The following CIC variants were observed in gnomAD, a reference collection of about 807,000 sequenced individuals.
The protein encoded by CIC is capicua transcriptional repressor, also known as protein capicua homolog.
A neutral mutation model predicts 115.7 loss-of-function variants in CIC; 18 were observed. The observed-to-expected ratio is 0.16, with a 90% confidence interval of 0.11 to 0.23. The LOEUF is 0.23. CIC is among the 10% of genes least tolerant of loss of function. The pLI is 1.00. For missense variants in CIC, 2,000 were observed against 2,159.3 expected (o/e 0.93, Z 1.46); for synonymous variants, 1,076 against 923.0 (o/e 1.17, Z -3.01).
Position 42,280,581 on chromosome 19 carries a change from G to A in CIC, c.2794+6004G>A, listed in dbSNP as rs1467210900. Among the ~76,000 whole-genome samples, 1 of 152,168 alleles carries A rather than the reference G, an allele frequency of 6.6e-6. No individual in the cohort carries two copies. The highest frequency in any genetic ancestry group is 1.9e-4 in the East Asian group (1 of 5,176). ...CTGCGCTGCCGCGTCCTCGGGCTGG[G>A]TGGGGTACCCTCCCTCCCACCGCAG... is the stretch of plus-strand genomic sequence containing the variant. On this transcript the variant is annotated intron_variant, in intron 2 of 20. Coordinates refer to ENST00000681038, the MANE Select transcript of CIC (RefSeq NM_001386298.1). The surrounding 1 kb of genome is among the most constrained non-coding windows in gnomAD (Gnocchi z 4.9).
Position 42,273,408 on chromosome 19 carries a change from G to A in CIC, c.1625G>A (p.Gly542Glu). 1 of 398,398 alleles carries A rather than the reference G, an allele frequency of 2.5e-6. No individual in the cohort carries two copies. Among genetic ancestry groups the A allele is most frequent in the Non-Finnish European group, 4.4e-6 (1 of 225,916 alleles). 24.7% of individuals were successfully genotyped at this position (398,398 alleles called of 1,614,324 possible). Residue 542 changes from glycine to glutamate, a missense_variant, in exon 2 of 21, where the codon GGG becomes GAG. By Grantham distance (98) the Gly-to-Glu change is moderately conservative. This residue lies in a region of CIC where 222 missense variants were observed against 247.7 expected (regional missense o/e 0.90). Transcript: ENST00000681038. ...MEGLADSGPG[G>E]AGRPAAVAAR... ...GGCCTGGCAGACAGTGGGCCTGGCG[G>A]GGCGGGCCGGCCCGCGGCCGTGGCA... is the stretch of plus-strand genomic sequence containing the variant.
rs2037088955 is a variant in CIC at position 42,278,689 on chromosome 19, C to T, written c.2794+4112C>T. Among the ~76,000 whole-genome samples, 4 of 152,230 alleles carry T rather than the reference C, an allele frequency of 2.6e-5. No homozygotes were observed. In the South Asian group the frequency reaches 8.3e-4, roughly 31 times the overall value. ...GCCAGCCTCCCAGCCCCACCCTGTG[C>T]ATATCAGGTGTTCTGTTCTTTTAAG... On this transcript the variant is annotated intron_variant, in intron 2 of 20. Coordinates refer to ENST00000681038, the MANE Select transcript of CIC (RefSeq NM_001386298.1).
Position 42,294,108 on chromosome 19 carries a change from C to T in CIC, c.6922+19C>T, listed in dbSNP as rs757837432. On this transcript the variant is annotated intron_variant, in intron 18 of 20. Transcript: ENST00000681038. Reference sequence around the variant, plus strand: ...TCCACGGGTAGGCGAGCATTGGGCACCCAGGGTCCTTAGGTGGAGGGCAGA... The same window carrying T: ...TCCACGGGTAGGCGAGCATTGGGCATCCAGGGTCCTTAGGTGGAGGGCAGA... 4.3e-6 allele frequency: 7 copies of T among 1,613,574 alleles called. No homozygotes were observed. Among genetic ancestry groups the T allele is most frequent in the Non-Finnish European group, 5.9e-6 (7 of 1,180,032 alleles).
intron 2 of CIC, among the ~76,000 whole-genome samples, chr19:42,285,668 C>T (rs575657246): frequency 3.3e-5 from 5 of 152,318 alleles, no homozygotes; most frequent in Admixed American, 6.5e-5. Context: ...AGGGCGGTTC[C>T]CTCCTCCCTT....
chr19:42,284,416 G>C (rs1338773082), intron 2 of CIC: 1 of 145,498 alleles, frequency 6.9e-6, no homozygotes, highest in Admixed American at 6.8e-5. Flanking sequence ...CCCGTGCCGC[G>C]CGCCCCGTGA....
At chr19:42,282,359 C>T (rs937511860) in intron 2 of CIC, among the ~76,000 whole-genome samples, 2 of 152,230 alleles carry the variant, frequency 1.3e-5, no homozygotes, top group Non-Finnish European at 2.9e-5. Flanking sequence ...ACCATCCAAC[C>T]TGTGTAAGAG....
chr19:42,293,220 G>A lies in CIC; in HGVS notation c.6461G>A (p.Ser2154Asn), dbSNP rs2147323996. 2 of 1,596,494 alleles carry A rather than the reference G, an allele frequency of 1.3e-6. No homozygotes were observed. The highest frequency in any genetic ancestry group is 1.3e-5 in the African/African-American group (1 of 74,532). Residue 2154 changes from serine (S) to asparagine (N), a missense_variant, in exon 16 of 21, where the codon AGC becomes AAC. This residue lies in a region of CIC where 1,466 missense variants were observed against 1,390.4 expected (regional missense o/e 1.05). Coordinates refer to ENST00000681038, the MANE Select transcript of CIC (RefSeq NM_001386298.1). ...GAGACCTGGACTCCCACGGCCCGGA[G>A]CAGCCCCCCACTGCCCCCACCTGCT... ...LPETWTPTAR[S>N]SPPLPPPAEE... is the part of the protein sequence containing the mutation.
chr19:42,271,901 C>A lies in CIC; in HGVS notation c.118C>A (p.Pro40Thr). Residue 40 changes from proline (P) to threonine (T), a missense_variant, in exon 2 of 21, where the codon CCA becomes ACA. This residue lies in a region of CIC where 222 missense variants were observed against 247.7 expected (regional missense o/e 0.90). Coordinates refer to ENST00000681038, the MANE Select transcript of CIC (RefSeq NM_001386298.1). The stretch of plus-strand genomic sequence containing the variant: ...GCGAGGGGCTGGGGAGGGTGACAAG[C>A]CAGAGGAGGAGGATGACGAGGCACA... ...RRRGAGEGDK[P>T]EEEDDEAQQP... 1 of 398,960 alleles carries A rather than the reference C, an allele frequency of 2.5e-6. No homozygotes were observed. Among genetic ancestry groups the A allele is most frequent in the Non-Finnish European group, 4.4e-6 (1 of 226,334 alleles). 24.7% of individuals were successfully genotyped at this position (398,960 alleles called of 1,614,324 possible).
Position 42,290,317 on chromosome 19 carries a change from C to G in CIC, c.4276C>G (p.Pro1426Ala), listed in dbSNP as rs2147250617. Residue 1426 changes from proline to alanine, a missense_variant, in exon 11 of 21, where the codon CCC becomes GCC. Physicochemically the swap from Pro to Ala is conservative, Grantham distance 27 (BLOSUM62 -1). Transcript: ENST00000681038. ...CCCACTGGACCCTGAGCCCCCAGGG[C>G]CCCCGGATCCTCCTGTAGCCTTTGG... ...RPPLDPEPPG[P>A]PDPPVAFGKG... is the part of the protein sequence containing the mutation. The G allele has an allele frequency of 6.2e-7, 1 of 1,613,922 alleles. No homozygotes were observed. The highest frequency in any genetic ancestry group is 8.5e-7 in the Non-Finnish European group (1 of 1,179,852).
At chr19:42,283,312 G>C (rs1305767260) in intron 2 of CIC, among the ~76,000 whole-genome samples, 1 of 152,080 alleles carries the variant, frequency 6.6e-6, no homozygotes, top group Non-Finnish European at 1.5e-5. Context: ...GGCTGGTGGG[G>C]GTGTGATGAG....
rs1363899986 is a variant in CIC, at chr19:42,293,193, C to G, written c.6434C>G (p.Pro2145Arg). 2 of 1,601,396 alleles carry G rather than the reference C, an allele frequency of 1.2e-6. No individual in the cohort carries two copies. The highest frequency in any genetic ancestry group is 1.7e-6 in the Non-Finnish European group (2 of 1,174,872). The part of the protein sequence containing the change: ...QPTPPAPPPL[P>R]ETWTPTARSS... ...ACACCACCAGCCCCTCCACCCCTGCCAGAGACCTGGACTCCCACGGCCCGG... is the reference window on the plus strand; with the variant it reads ...ACACCACCAGCCCCTCCACCCCTGCGAGAGACCTGGACTCCCACGGCCCGG... Residue 2145 changes from proline to arginine, a missense_variant, in exon 16 of 21, where the codon CCA becomes CGA. Pro to Arg is a moderately radical substitution (Grantham distance 103). This residue lies in a region of CIC where 1,466 missense variants were observed against 1,390.4 expected (regional missense o/e 1.05). Transcript: ENST00000681038.
chr19:42,289,004 G>A lies in CIC; in HGVS notation c.3775G>A (p.Ala1259Thr), dbSNP rs1374599222. 6.2e-7 allele frequency: 1 copy of A among 1,613,778 alleles called. No individual in the cohort carries two copies. The highest frequency in any genetic ancestry group is 2.2e-5 in the East Asian group (1 of 44,894). Residue 1259 changes from alanine to threonine, a missense_variant, in exon 8 of 21, where the codon GCC (alanine) becomes ACC (threonine). Around this residue, in one of 8 missense-constraint regions of CIC, gnomAD observed 1,466 missense variants for 1,390.4 expected, o/e 1.05. Transcript: ENST00000681038. ...RLHTVGGPGSARPRAFSHSGV... is the reference protein window; with the variant it reads ...RLHTVGGPGSTRPRAFSHSGV... ...ACACACAGTTGGGGGACCTGGCTCA[G>A]CCCGGCCCCGAGCTTTCTCCCACAG...
chr19:42,284,648 G>GCGGCGT (rs1485333410), intron 2 of CIC: 1 of 1,386,510 alleles, frequency 7.2e-7, no homozygotes, highest in Non-Finnish European at 9.8e-7. Context: ...TGCGGGCGGA[G>GCGGCGT]CGGCGTCGGC....
intron 16 of CIC, 81 bp downstream of exon 16, chr19:42,293,362 C>CTT: frequency 2.1e-6 from 3 of 1,445,084 alleles, no homozygotes; most frequent in Non-Finnish European, 1.9e-6. Flanking sequence ...CTGTCCTACT[C>CTT]TTCTTTCCAT....
rs560901404 is a variant in CIC at position 42,291,851 on chromosome 19, C to A, written c.5613+106C>A. The A allele has an allele frequency of 2.1e-6, 3 of 1,451,084 alleles. No homozygotes were observed. In the South Asian group the frequency reaches 3.5e-5, roughly 17 times the overall value. The allele number at this position is 1,451,084 out of a possible 1,614,324, so 89.9% of individuals were successfully genotyped here. On this transcript the variant is annotated intron_variant, in intron 12 of 20. Transcript: ENST00000681038. ...TCTCCTTCTCCATGTATCTGGTTCT[C>A]TGTCTTGCCATCTTCCGTGATGTCT... is the stretch of plus-strand genomic sequence containing the variant.
intron 19 of CIC, 102 bp from the exon 20 acceptor site, chr19:42,294,502 C>T (rs1426028198): frequency 1.5e-5 from 23 of 1,582,780 alleles, no homozygotes; most frequent in Non-Finnish European, 1.7e-6. Context: ...TCTGACTCCC[C>T]TGTGAAATAG....
In CIC at chr19:42,286,895, C is replaced by T. The variant is rs200738952; in HGVS notation, c.2919C>T (p.His973=). The T allele has an allele frequency of 3.2e-5, 51 of 1,612,088 alleles. No homozygotes were observed. The East Asian group carries it at 1.1e-3, about 36-fold the overall frequency. Residue 973 remains histidine (H), a synonymous_variant, in exon 3 of 21, where the codon CAC becomes CAT. Coordinates refer to ENST00000681038, the MANE Select transcript of CIC (RefSeq NM_001386298.1). ...QPSEAQQPAS[H]PVASNQSKEP... ...GCGAGGCCCAGCAACCTGCCAGCCA[C>T]CCAGTGGCCTCCAACCAGAGCAAAG...
In CIC at chr19:42,292,649, C is replaced by T; in HGVS notation, c.5986C>T (p.Pro1996Ser). 2 of 1,613,798 alleles carry T rather than the reference C, an allele frequency of 1.2e-6. No homozygotes were observed. Among genetic ancestry groups the T allele is most frequent in the Admixed American group, 1.7e-5 (1 of 60,028 alleles). The part of the protein sequence containing the change: ...SPQLPPACAA[P>S]GGPVITAFYS... ...CCAGCTGCCGCCTGCCTGTGCAGCC[C>T]CCGGAGGTCCTGTCATAACAGCATT... Residue 1996 changes from proline (P) to serine (S), a missense_variant, in exon 15 of 21, where the codon CCC becomes TCC. By Grantham distance (74) the Pro-to-Ser change is moderately conservative. Coordinates refer to ENST00000681038, the MANE Select transcript of CIC (RefSeq NM_001386298.1).
Position 42,272,869 on chromosome 19 carries a change from G to GCCTGGGGCCACCCTGCCA in CIC, c.1089_1106dup (p.Gly364_Pro369dup), listed in dbSNP as rs1194190974. 1 of 399,300 alleles carries GCCTGGGGCCACCCTGCCA rather than the reference G, an allele frequency of 2.5e-6. No individual in the cohort carries two copies. The highest frequency in any genetic ancestry group is 4.4e-6 in the Non-Finnish European group (1 of 226,702). 24.7% of individuals were successfully genotyped at this position (399,300 alleles called of 1,614,324 possible). A position where few individuals can be genotyped will look rare whatever the true frequency, so the allele number is the denominator to read the frequency against. On this transcript the variant is annotated inframe_insertion, in exon 2 of 21. Coordinates refer to ENST00000681038, the MANE Select transcript of CIC (RefSeq NM_001386298.1). ...CAGGCCCTGAGGAAGAGCAGGCAGA[G>GCCTGGGGCCACCCTGCCA]CCTGGGGCCACCCTGCCACCCTGCC...
Sources: allele counts gnomAD v4.1 joint callset (sites outside exome capture counted in the v4.1 genomes callset), GRCh38; gene constraint gnomAD v4.1.1; regional missense constraint gnomAD v4.1.1; non-coding constraint Gnocchi (gnomAD v3.1); transcripts MANE v1.5; gene names NCBI Gene and HGNC (gene_info 2026-07-23, HGNC 2026-07-21).